Variants in NELL1 observed in about 807,000 individuals in gnomAD.
NELL1 encodes the protein protein kinase C-binding protein NELL1.
NELL1 carries 76 observed loss-of-function variants against 107.4 expected under a neutral mutation model. The observed-to-expected ratio is 0.71, with a 90% CI of 0.59 to 0.86. The LOEUF is 0.86. Ranked by LOEUF, NELL1 falls within the 40% of genes least tolerant of loss-of-function variation. The probability of loss-of-function intolerance (pLI) is 0.00; values close to 1 mark genes in which losing one functional copy is unlikely to be tolerated. For synonymous variants in NELL1, 353 were observed against 341.2 expected (o/e 1.03, Z -0.38); for missense variants, 1,024 against 1,005.5 (o/e 1.02, Z -0.25).
chr11:20,798,633 T>C (rs1056064068), intron 3 of NELL1, among the ~76,000 whole-genome samples: 1 of 152,172 alleles, frequency 6.6e-6, no homozygotes, highest in Non-Finnish European at 1.5e-5. Context: ...TGATGAAAGA[T>C]AGATTTAACT....
chr11:20,815,721 C>A (rs1405402678), intron 3 of NELL1, among the ~76,000 whole-genome samples: 1 of 152,102 alleles, frequency 6.6e-6, no homozygotes, highest in Non-Finnish European at 1.5e-5. Flanking sequence ...GCCATAAATT[C>A]TTTGCCAAAG....
intron 12 of NELL1, among the ~76,000 whole-genome samples, chr11:21,007,973 A>T (rs1267604869): frequency 1.3e-5 from 2 of 152,130 alleles, no homozygotes; most frequent in South Asian, 2.1e-4. Context: ...CTAGAGACAT[A>T]TCAAGGAATT....
At chr11:21,468,919 C>T (rs117336623) in intron 15 of NELL1, among the ~76,000 whole-genome samples, 23 of 152,098 alleles carry the variant, frequency 1.5e-4, no homozygotes, top group African/African-American at 4.8e-4. Flanking sequence ...AGGGAAGAGG[C>T]GAGTCAGATC....
At chr11:21,176,676 T>C (rs1197324588) in intron 13 of NELL1, among the ~76,000 whole-genome samples, 1 of 151,896 alleles carries the variant, frequency 6.6e-6, no homozygotes, top group Non-Finnish European at 1.5e-5. Flanking sequence ...GGTGTCCTTA[T>C]GCACTTTGCC....
At chr11:20,740,693 T>C (rs1475617677) in intron 2 of NELL1, among the ~76,000 whole-genome samples, 1 of 152,260 alleles carries the variant, frequency 6.6e-6, no homozygotes, top group African/African-American at 2.4e-5. Flanking sequence ...ATATCAGTGA[T>C]GTCAGAAATA....
intron 12 of NELL1, among the ~76,000 whole-genome samples, chr11:21,044,973 A>C (rs1853321902): frequency 6.6e-6 from 1 of 152,194 alleles, no homozygotes; most frequent in Non-Finnish European, 1.5e-5. Flanking sequence ...GTGAAAGCAC[A>C]GAAAAGTAGA....
At chr11:21,062,994 A>AT (rs1554963979) in intron 12 of NELL1, among the ~76,000 whole-genome samples, 234 of 150,846 alleles carry the variant, frequency 1.6e-3, no homozygotes, top group African/African-American at 5.4e-3. Flanking sequence ...AGCCCAGCTA[A>AT]TGTGTGTGTG....
chr11:21,325,645 C>T (rs1032772760), intron 14 of NELL1, among the ~76,000 whole-genome samples: 1 of 151,906 alleles, frequency 6.6e-6, no homozygotes, highest in East Asian at 1.9e-4. Flanking sequence ...GGCAAAATTG[C>T]ATACAGTGAA....
intron 3 of NELL1, among the ~76,000 whole-genome samples, chr11:20,807,812 T>C (rs1448377681): frequency 6.6e-6 from 1 of 152,114 alleles, no homozygotes; most frequent in Non-Finnish European, 1.5e-5. Flanking sequence ...TGGAGGAATC[T>C]TTTCCTCTGT....
At chr11:21,352,490 T>A (rs1337604914) in intron 14 of NELL1, among the ~76,000 whole-genome samples, 3 of 152,144 alleles carry the variant, frequency 2.0e-5, no homozygotes, top group Non-Finnish European at 4.4e-5. Context: ...TGATGAGAAT[T>A]TCTGGGTCCA....
At chr11:21,315,044 T>C (rs548365392) in intron 14 of NELL1, among the ~76,000 whole-genome samples, 624 of 151,978 alleles carry the variant, frequency 4.1e-3, no homozygotes, top group Non-Finnish European at 7.7e-3. Flanking sequence ...TTTAGTAGAG[T>C]TGGCGTGTCT....
intron 15 of NELL1, among the ~76,000 whole-genome samples, chr11:21,425,833 GA>G (rs1852807434): frequency 6.6e-6 from 1 of 152,168 alleles, no homozygotes; most frequent in South Asian, 2.1e-4. Flanking sequence ...ACTAGTAGCA[GA>G]GAATTTAAAA....
chr11:21,095,282 AT>A (rs1854614425), intron 12 of NELL1, among the ~76,000 whole-genome samples: 1 of 152,178 alleles, frequency 6.6e-6, no homozygotes, highest in Non-Finnish European at 1.5e-5. Context: ...CCATATCGCT[AT>A]CAGGCTTTTC....
chr11:20,703,353 T>G (rs1042320738), intron 2 of NELL1, among the ~76,000 whole-genome samples: 7 of 152,196 alleles, frequency 4.6e-5, no homozygotes, highest in African/African-American at 1.7e-4. Flanking sequence ...GATATCCCCT[T>G]TATCATTTTT....
chr11:21,371,381 T>G (rs1028273383), intron 15 of NELL1, among the ~76,000 whole-genome samples: 1 of 152,060 alleles, frequency 6.6e-6, no homozygotes, highest in African/African-American at 2.4e-5. Context: ...CAGCAGCAGG[T>G]TTATTGGTGT....
chr11:21,535,016 A>G (rs1202650267), intron 16 of NELL1, among the ~76,000 whole-genome samples: 1 of 152,198 alleles, frequency 6.6e-6, no homozygotes, highest in Non-Finnish European at 1.5e-5. Flanking sequence ...AAACAAGAAT[A>G]CCACCTATTT....
chr11:21,325,254 G>C (rs770707292), intron 14 of NELL1, among the ~76,000 whole-genome samples: 4 of 151,918 alleles, frequency 2.6e-5, no homozygotes, highest in African/African-American at 7.2e-5. Flanking sequence ...TTTCTGACTT[G>C]TTTTTGTTAG....
chr11:21,250,231 C>T (rs1433289370), intron 14 of NELL1, among the ~76,000 whole-genome samples: 1 of 152,164 alleles, frequency 6.6e-6, no homozygotes, highest in East Asian at 1.9e-4. Flanking sequence ...AGACAGGGAT[C>T]TGTGTAGAGG....
intron 2 of NELL1, among the ~76,000 whole-genome samples, chr11:20,696,472 A>G (rs1854620520): frequency 6.6e-6 from 1 of 152,034 alleles, no homozygotes; most frequent in Non-Finnish European, 1.5e-5. Flanking sequence ...TCTTCTTAAC[A>G]CTGCTTTTGC....
Sources: allele counts gnomAD v4.1 joint callset (sites outside exome capture counted in the v4.1 genomes callset), GRCh38; gene constraint gnomAD v4.1.1; transcripts MANE v1.5; gene names NCBI Gene and HGNC (gene_info 2026-07-23, HGNC 2026-07-21).